The following NPHP4 variants were observed in gnomAD, a reference collection of about 807,000 sequenced individuals.
The protein encoded by NPHP4 is nephrocystin-4.
In NPHP4, 151 loss-of-function variants were observed where a neutral mutation model predicts 155.8. The ratio of observed to expected loss-of-function variants is 0.97; its 90% CI spans 0.85 to 1.11. The LOEUF is 1.11. Ranked by LOEUF, NPHP4 falls within the 50% of genes least tolerant of loss-of-function variation. The pLI, the probability that NPHP4 is intolerant of heterozygous loss-of-function variation, is 0.00. For synonymous variants in NPHP4, 845 were observed against 816.8 expected, an observed-to-expected ratio of 1.03 and a Z score of -0.59; for missense variants, 1,956 against 1,925.7, an observed-to-expected ratio of 1.02 and a Z score of -0.29.
chr1:5,905,396 G>A lies in NPHP4; in HGVS notation c.1851C>T (p.Ala617=), dbSNP rs201192584. The change falls in exon 15 of 30, where the codon GCC becomes GCT. Residue 617 remains alanine, a synonymous_variant. Coordinates refer to ENST00000378156, the MANE Select transcript of NPHP4 (RefSeq NM_015102.5). This position sits in a 1 kb window ranked among gnomAD's most constrained non-coding sequence, Gnocchi z 4.0. ...CAGGTTCTGTAGCGCTGACAGCCTCGGCTGGCTGTTTATTGGCATCCAGAA... is the reference window on the plus strand; with the variant it reads ...CAGGTTCTGTAGCGCTGACAGCCTCAGCTGGCTGTTTATTGGCATCCAGAA... ...PEILDANKQP[A]EAVSATEPVT... is the part of the protein sequence containing the mutation. The A allele has an allele frequency of 7.4e-5, 120 of 1,613,430 alleles. No homozygotes were observed. The East Asian group carries it at 2.2e-3, about 29-fold the overall frequency.
intron 17 of NPHP4, 102 bp from the exon 18 acceptor site, chr1:5,887,568 TGTGGG>T: frequency 1.5e-6 from 2 of 1,292,588 alleles, no homozygotes; most frequent in African/African-American, 2.9e-5. Flanking sequence ...GGAAAGCCAC[TGTGGG>T]CGGGAGGGGG....
intron 18 of NPHP4, among the ~76,000 whole-genome samples, chr1:5,885,751 C>A (rs891605929): frequency 6.6e-6 from 1 of 152,236 alleles, no homozygotes; most frequent in East Asian, 1.9e-4. Flanking sequence ...CCAGCACCCA[C>A]GCTGCTAGCA....
chr1:5,912,007 C>G (rs375726073), intron 11 of NPHP4, among the ~76,000 whole-genome samples: 29 of 152,348 alleles, frequency 1.9e-4, no homozygotes, highest in African/African-American at 6.3e-4. Context: ...GAACCGGGAG[C>G]AGCATGCGTG....
At chr1:5,964,234 C>A (rs1650922129) in intron 5 of NPHP4, among the ~76,000 whole-genome samples, 2 of 152,118 alleles carry the variant, frequency 1.3e-5, no homozygotes, top group Admixed American at 6.5e-5. Context: ...GTAAAACGAC[C>A]CCGGAAGGGT....
In NPHP4 at chr1:5,889,706, G is replaced by T. The variant is rs1259652418; in HGVS notation, c.2304+1162C>A. 6.6e-6 allele frequency among the ~76,000 whole-genome samples: 1 copy of T among 152,192 alleles called. No homozygotes were observed. The highest frequency in any genetic ancestry group is 1.5e-5 in the Non-Finnish European group (1 of 68,034). On this transcript the variant is annotated intron_variant, in intron 17 of 29. Coordinates refer to ENST00000378156, the MANE Select transcript of NPHP4 (RefSeq NM_015102.5). This position sits in a 1 kb window ranked among gnomAD's most constrained non-coding sequence, Gnocchi z 4.2. ...GTGTCGACACACAGTCCTGCCCTGG[G>T]GACATCAAAGCCAGCATGGGAGACG...
At chr1:5,874,244 G>A (rs1175911260) in intron 22 of NPHP4, among the ~76,000 whole-genome samples, 1 of 151,902 alleles carries the variant, frequency 6.6e-6, no homozygotes, top group African/African-American at 2.4e-5. Flanking sequence ...AAATTAGGAG[G>A]AGATGGTCCA....
rs565505172 is a variant in NPHP4 at position 5,966,470 on chromosome 1, T to C, written c.517+829A>G. Among the ~76,000 whole-genome samples the C allele has an allele frequency of 1.0e-3, 157 of 152,230 alleles. 1 individual carries two copies. The highest frequency in any genetic ancestry group is 3.5e-3 in the African/African-American group (146 of 41,534). Reference sequence around the variant, plus strand: ...TATGTTGCCCAGGCTGGTTTCGAACTCCTGAGAGCTCAAGTGATCCACCTG... The same window carrying C: ...TATGTTGCCCAGGCTGGTTTCGAACCCCTGAGAGCTCAAGTGATCCACCTG... On this transcript the variant is annotated intron_variant, in intron 5 of 29. Coordinates refer to ENST00000378156, the MANE Select transcript of NPHP4 (RefSeq NM_015102.5).
intron 22 of NPHP4, 151 bp downstream of exon 22, chr1:5,874,320 C>T (rs112284157): frequency 0.045 from 32,649 of 721,804 alleles, 950 homozygotes; most frequent in Non-Finnish European, 0.057. Context: ...CATGCCAGGG[C>T]TCTTGTTGAG....
At chr1:5,894,106 A>G (rs1455643575) in intron 16 of NPHP4, among the ~76,000 whole-genome samples, 1 of 152,250 alleles carries the variant, frequency 6.6e-6, no homozygotes, top group Non-Finnish European at 1.5e-5. Context: ...TTTATATTTT[A>G]TTATACTGGA....
intron 5 of NPHP4, among the ~76,000 whole-genome samples, chr1:5,966,675 C>A (rs1468333717): frequency 6.6e-6 from 1 of 152,170 alleles, no homozygotes; most frequent in East Asian, 1.9e-4. Flanking sequence ...CACTCTTCCC[C>A]ACCCACACTC....
At chr1:5,878,048 G>A (rs1642802660) in intron 19 of NPHP4, among the ~76,000 whole-genome samples, 1 of 152,230 alleles carries the variant, frequency 6.6e-6, no homozygotes, top group Non-Finnish European at 1.5e-5. Flanking sequence ...GAGGCTCCCA[G>A]AAAATCGCTC....
At chr1:5,979,757 G>A (rs953600529) in intron 2 of NPHP4, among the ~76,000 whole-genome samples, 13 of 151,976 alleles carry the variant, frequency 8.6e-5, no homozygotes, top group Non-Finnish European at 1.2e-4. Context: ...CAAGTGACCC[G>A]CCCGTCTCGG....
At chr1:5,969,291 T>C (rs1056947915) in intron 3 of NPHP4, 32 bp from the exon 4 acceptor site, 9 of 1,461,806 alleles carry the variant, frequency 6.2e-6, no homozygotes, top group Admixed American at 2.2e-5. Flanking sequence ...ATGGTCTGAG[T>C]GTTCAGGACA....
Position 5,988,777 on chromosome 1 carries a change from G to A in NPHP4, c.-38-2450C>T, listed in dbSNP as rs956707389. On this transcript the variant is annotated intron_variant, in intron 1 of 29. Coordinates refer to ENST00000378156, the MANE Select transcript of NPHP4 (RefSeq NM_015102.5). Reference sequence around the variant, plus strand: ...CCAGGGTCCCGCCTCCACCCACAGTGCACCCAGACGCTGCATCCTTGGCCC... The same window carrying A: ...CCAGGGTCCCGCCTCCACCCACAGTACACCCAGACGCTGCATCCTTGGCCC... Among the ~76,000 whole-genome samples the A allele has an allele frequency of 6.0e-5, 9 of 151,236 alleles. No homozygotes were observed. In the South Asian group the frequency reaches 1.1e-3, roughly 18 times the overall value.
intron 3 of NPHP4, among the ~76,000 whole-genome samples, chr1:5,975,699 C>T (rs1395826096): frequency 6.6e-6 from 1 of 152,218 alleles, no homozygotes; most frequent in Non-Finnish European, 1.5e-5. Context: ...CTCCCTAACA[C>T]ATCTGAATTG....
At chr1:5,936,790 T>C (rs1394384769) in intron 9 of NPHP4, among the ~76,000 whole-genome samples, 3 of 152,114 alleles carry the variant, frequency 2.0e-5, no homozygotes, top group Admixed American at 1.3e-4. Context: ...CAATGTGTCC[T>C]CCAAAAAGAT....
At chr1:5,881,693 G>C (rs1408925427) in intron 18 of NPHP4, 1 of 152,232 alleles carries the variant, frequency 6.6e-6, no homozygotes, top group Admixed American at 6.5e-5. Context: ...AGCTGGTGAC[G>C]CAGCAGCGAA....
At chr1:5,877,725 G>A (rs1025183640) in intron 19 of NPHP4, among the ~76,000 whole-genome samples, 1 of 152,192 alleles carries the variant, frequency 6.6e-6, no homozygotes, top group African/African-American at 2.4e-5. Flanking sequence ...GAGGCCTTCA[G>A]TGAGTGGGGG....
At chr1:5,912,892 G>A (rs527451432) in intron 11 of NPHP4, among the ~76,000 whole-genome samples, 12 of 152,266 alleles carry the variant, frequency 7.9e-5, no homozygotes, top group Non-Finnish European at 1.5e-4. Flanking sequence ...ATCAGCGTCT[G>A]GCTGAGCCAC....
Sources: allele counts gnomAD v4.1 joint callset (sites outside exome capture counted in the v4.1 genomes callset), GRCh38; gene constraint gnomAD v4.1.1; non-coding constraint Gnocchi (gnomAD v3.1); transcripts MANE v1.5; gene names NCBI Gene and HGNC (gene_info 2026-07-23, HGNC 2026-07-21).